PPP2R2C: variants seen among roughly 807,000 people sequenced by gnomAD.
PPP2R2C encodes protein phosphatase 2 regulatory subunit Bgamma.
A neutral mutation model predicts 45.3 loss-of-function variants in PPP2R2C; 10 were observed. The observed-to-expected ratio is 0.22, with a 90% confidence interval of 0.14 to 0.37. The LOEUF is 0.37. Ranked by LOEUF, PPP2R2C falls within the 10% of genes least tolerant of loss-of-function variation. The probability of loss-of-function intolerance (pLI) is 1.00; values close to 1 mark genes in which losing one functional copy is unlikely to be tolerated. For synonymous variants in PPP2R2C, 257 were observed against 245.4 expected, an observed-to-expected ratio of 1.05 and a Z score of -0.44; for missense variants, 308 against 619.7, an observed-to-expected ratio of 0.50 and a Z score of 5.34.
At chr4:6,401,639 G>A (rs892833316) in intron 1 of PPP2R2C, among the ~76,000 whole-genome samples, 1 of 152,058 alleles carries the variant, frequency 6.6e-6, no homozygotes, top group African/African-American at 2.4e-5. Flanking sequence ...TCCTCTGTGT[G>A]ATCTCATGAG....
At chr4:6,390,736 G>A (rs560747805) in intron 1 of PPP2R2C, among the ~76,000 whole-genome samples, 4 of 152,286 alleles carry the variant, frequency 2.6e-5, no homozygotes, top group Non-Finnish European at 4.4e-5. Flanking sequence ...TCTGAGAGCC[G>A]CAGGGCCACC....
chr4:6,425,032 A>C (rs1215474834), intron 1 of PPP2R2C, among the ~76,000 whole-genome samples: 2 of 152,194 alleles, frequency 1.3e-5, no homozygotes, highest in Non-Finnish European at 2.9e-5. Flanking sequence ...GTGTGGGCAA[A>C]GAGCTTAGCA....
intron 5 of PPP2R2C, among the ~76,000 whole-genome samples, chr4:6,357,230 A>G (rs1713286707): frequency 6.6e-6 from 1 of 152,228 alleles, no homozygotes; most frequent in South Asian, 2.1e-4. Flanking sequence ...TGGGCATGAG[A>G]CAGGGACAGC....
chr4:6,514,180 G>A (rs1465810852), intron 2 of PPP2R2C, among the ~76,000 whole-genome samples: 1 of 152,024 alleles, frequency 6.6e-6, no homozygotes, highest in Non-Finnish European at 1.5e-5. Context: ...TATCTAAATA[G>A]CAGGTGACAA....
rs1225475510 is a variant in PPP2R2C, at chr4:6,407,607, G to T, written c.71-26513C>A. ...GTAGAGACGGGGTTTCACCATGTTG[G>T]CCAGGCTGGTCTCAAACTCCTGACC... is the stretch of plus-strand genomic sequence containing the variant. On this transcript the variant is annotated intron_variant, in intron 1 of 8. Transcript: ENST00000382599. Among the ~76,000 whole-genome samples the T allele has an allele frequency of 2.0e-5, 3 of 152,158 alleles. No individual in the cohort carries two copies. The East Asian group carries it at 5.8e-4, about 29-fold the overall frequency.
chr4:6,417,860 C>T (rs542005258), intron 1 of PPP2R2C, among the ~76,000 whole-genome samples: 5 of 152,300 alleles, frequency 3.3e-5, no homozygotes, highest in East Asian at 3.9e-4. Context: ...GAGAAGTCGC[C>T]GAGCCTCAAA....
At chr4:6,350,408 T>C in intron 5 of PPP2R2C, 1 of 985,440 alleles carries the variant, frequency 1.0e-6, no homozygotes, top group Non-Finnish European at 1.2e-6. Context: ...ATGGATAATG[T>C]GCAGTAGAGA....
intron 1 of PPP2R2C, among the ~76,000 whole-genome samples, chr4:6,409,708 C>T (rs1451234322): frequency 6.6e-6 from 1 of 152,208 alleles, no homozygotes; most frequent in Non-Finnish European, 1.5e-5. Context: ...GCCCTGGAGA[C>T]ACTAAGGTTG....
At chr4:6,438,233 T>C (rs910139230) in intron 1 of PPP2R2C, among the ~76,000 whole-genome samples, 1 of 152,240 alleles carries the variant, frequency 6.6e-6, no homozygotes, top group Non-Finnish European at 1.5e-5. Flanking sequence ...AATTTGTACA[T>C]AGGGGAATGA....
At chr4:6,333,874 T>C in intron 6 of PPP2R2C, 143 bp from the exon 7 acceptor site, 1 of 868,320 alleles carries the variant, frequency 1.2e-6, no homozygotes. Flanking sequence ...ACTAAACACT[T>C]ACCAGGGAAC....
intron 1 of PPP2R2C, among the ~76,000 whole-genome samples, chr4:6,542,908 G>A (rs1336129233): frequency 6.6e-6 from 1 of 152,160 alleles, no homozygotes; most frequent in Non-Finnish European, 1.5e-5. Context: ...GGATTCATGT[G>A]CAGAATATAT....
chr4:6,360,211 C>A lies in PPP2R2C; in HGVS notation c.626-12201G>T, dbSNP rs73796000. ...ATTTGCCCAGGGCCACATGCAGAGC[C>A]CTGGCAGAGTAAGGACTGAAATCCT... On this transcript the variant is annotated intron_variant, in intron 5 of 8. Coordinates refer to ENST00000382599, the MANE Select transcript of PPP2R2C (RefSeq NM_020416.4). Among the ~76,000 whole-genome samples, 534 of 152,334 alleles carry A rather than the reference C, an allele frequency of 3.5e-3. 2 individuals carry two copies. The highest frequency in any genetic ancestry group is 0.012 in the African/African-American group (511 of 41,578).
intron 5 of PPP2R2C, among the ~76,000 whole-genome samples, chr4:6,356,097 T>C (rs181004530): frequency 3.8e-4 from 57 of 151,766 alleles, no homozygotes; most frequent in African/African-American, 1.3e-3. Flanking sequence ...CCTACACTGC[T>C]TCCTCTGGTC....
intron 2 of PPP2R2C, among the ~76,000 whole-genome samples, chr4:6,480,246 A>G (rs1722303410): frequency 6.6e-6 from 1 of 152,156 alleles, no homozygotes; most frequent in African/African-American, 2.4e-5. Context: ...CATACTACAA[A>G]CTGCTTTTTT....
chr4:6,333,441 G>A (rs935864715), intron 7 of PPP2R2C, 121 bp downstream of exon 7: 44 of 1,155,016 alleles, frequency 3.8e-5, no homozygotes, highest in East Asian at 4.9e-5. Context: ...TTCAGCCTCC[G>A]TGTCTTCACC....
In PPP2R2C at chr4:6,332,025, C is replaced by A. The variant is rs1340362051; in HGVS notation, c.960+1537G>T. Among the ~76,000 whole-genome samples, 4 of 152,182 alleles carry A rather than the reference C, an allele frequency of 2.6e-5. No homozygotes were observed. Among genetic ancestry groups the A allele is most frequent in the Non-Finnish European group, 5.9e-5 (4 of 68,044 alleles). On this transcript the variant is annotated intron_variant, in intron 7 of 8. Coordinates refer to ENST00000382599, the MANE Select transcript of PPP2R2C (RefSeq NM_020416.4). The surrounding 1 kb of genome is among the most constrained non-coding windows in gnomAD (Gnocchi z 4.9). Reference sequence around the variant, plus strand: ...GCCAAGTGCCCAGCTTACGGCCTCACGCTCCAGAACAGTCATTCCCCTCCT... The same window carrying A: ...GCCAAGTGCCCAGCTTACGGCCTCAAGCTCCAGAACAGTCATTCCCCTCCT...
intron 2 of PPP2R2C, among the ~76,000 whole-genome samples, chr4:6,492,275 C>G (rs1722720462): frequency 1.3e-5 from 2 of 152,204 alleles, no homozygotes; most frequent in African/African-American, 4.8e-5. Context: ...TATCACCACC[C>G]ACTGCAATCC....
At chr4:6,333,981 G>A (rs1187866703) in intron 6 of PPP2R2C, among the ~76,000 whole-genome samples, 1 of 152,190 alleles carries the variant, frequency 6.6e-6, no homozygotes, top group Non-Finnish European at 1.5e-5. Context: ...CCCATGCCTG[G>A]GGAGTCAGTG....
intron 1 of PPP2R2C, among the ~76,000 whole-genome samples, chr4:6,411,701 C>A (rs546467941): frequency 6.6e-6 from 1 of 151,924 alleles, no homozygotes; most frequent in African/African-American, 2.4e-5. Flanking sequence ...TACAGGCGCC[C>A]GCCACCACAC....
Sources: allele counts gnomAD v4.1 joint callset (sites outside exome capture counted in the v4.1 genomes callset), GRCh38; gene constraint gnomAD v4.1.1; non-coding constraint Gnocchi (gnomAD v3.1); transcripts MANE v1.5; gene names NCBI Gene and HGNC (gene_info 2026-07-23, HGNC 2026-07-21).